The following MAP3K5 variants were observed in gnomAD, a reference collection of about 807,000 sequenced individuals.
The protein encoded by MAP3K5 is ASK-1.
MAP3K5 carries 56 observed loss-of-function variants against 158.7 expected under a neutral mutation model. That is an observed-to-expected ratio of 0.35 (90% CI 0.28 to 0.44). The LOEUF is 0.44. MAP3K5 is among the 20% of genes least tolerant of loss of function. The probability of loss-of-function intolerance (pLI) is 1.00; values close to 1 mark genes in which losing one functional copy is unlikely to be tolerated. For missense variants in MAP3K5, 1,294 were observed against 1,674.8 expected, an observed-to-expected ratio of 0.77 and a Z score of 3.97; for synonymous variants, 579 against 601.7, an observed-to-expected ratio of 0.96 and a Z score of 0.55.
At chr6:136,662,544 CCTCTCTCTCTTCCTTTCTCTCT>C (rs1562591059) in intron 8 of MAP3K5, among the ~76,000 whole-genome samples, 1 of 151,152 alleles carries the variant, frequency 6.6e-6, no homozygotes, top group South Asian at 2.1e-4. Flanking sequence ...CCTTTCTCTC[CCTCTCTCTCTTCCTTTCTCTCT>C]CTCTCTTCCT....
chr6:136,783,841 A>G (rs553762577), intron 1 of MAP3K5, among the ~76,000 whole-genome samples: 1 of 152,280 alleles, frequency 6.6e-6, no homozygotes, highest in African/African-American at 2.4e-5. Flanking sequence ...AGTACTTGGA[A>G]AGCAGGCACG....
intron 23 of MAP3K5, among the ~76,000 whole-genome samples, chr6:136,585,485 A>C (rs113644682): frequency 0.15 from 18,237 of 124,192 alleles, 1,650 homozygotes; most frequent in East Asian, 0.36. Flanking sequence ...TTATTTATTT[A>C]TTTATTTATT....
In MAP3K5 at chr6:136,682,742, G is replaced by A. The variant is rs532412752; in HGVS notation, c.1253+11398C>T. On this transcript the variant is annotated intron_variant, in intron 7 of 29. Coordinates refer to ENST00000359015, the MANE Select transcript of MAP3K5 (RefSeq NM_005923.4). ...AATTTCCTTTCAGAGTTCTCAAAAT[G>A]ACTTCATATCTTCCCTTAAGAATGA... Among the ~76,000 whole-genome samples, 5 of 152,192 alleles carry A rather than the reference G, an allele frequency of 3.3e-5. No homozygotes were observed. The East Asian group carries it at 9.6e-4, about 29-fold the overall frequency.
At chr6:136,694,612 A>G (rs1424516427) in intron 6 of MAP3K5, among the ~76,000 whole-genome samples, 2 of 152,204 alleles carry the variant, frequency 1.3e-5, no homozygotes, top group Non-Finnish European at 2.9e-5. Flanking sequence ...TGCAGGTTCA[A>G]GTTGGTGAAA....
At chr6:136,679,455 A>G (rs1779842252) in intron 7 of MAP3K5, among the ~76,000 whole-genome samples, 1 of 152,134 alleles carries the variant, frequency 6.6e-6, no homozygotes, top group Admixed American at 6.5e-5. Context: ...ATCTCTAGGG[A>G]TATTTCTGAA....
chr6:136,765,679 AT>A (rs780589836), intron 1 of MAP3K5, among the ~76,000 whole-genome samples: 2,725 of 120,006 alleles, frequency 0.023, 19 homozygotes, highest in African/African-American at 0.041. Context: ...TGCCTGGCTA[AT>A]TTTTTTTTTT....
rs969460821 is a variant in MAP3K5 at position 136,791,959 on chromosome 6, A to G, written c.199T>C (p.Cys67Arg). 1.2e-6 allele frequency: 2 copies of G among 1,610,918 alleles called. No individual in the cohort carries two copies. Among genetic ancestry groups the G allele is most frequent in the Non-Finnish European group, 1.7e-6 (2 of 1,179,020 alleles). ...VESAAAPGIG[C>R]PAATSSSSAT... ...CTGCTCGAGGAGGTGGCCGCCGGACAACCGATGCCAGGGGCAGCGGCGCTC... is the reference window on the plus strand; with the variant it reads ...CTGCTCGAGGAGGTGGCCGCCGGACGACCGATGCCAGGGGCAGCGGCGCTC... Residue 67 changes from cysteine (C) to arginine (R), a missense_variant, in exon 1 of 30, where the codon TGT (cysteine) becomes CGT (arginine). Physicochemically the swap from Cys to Arg is radical, Grantham distance 180. Transcript: ENST00000359015.
At chr6:136,789,791 T>G (rs1231022571) in intron 1 of MAP3K5, among the ~76,000 whole-genome samples, 1 of 150,752 alleles carries the variant, frequency 6.6e-6, no homozygotes, top group African/African-American at 2.4e-5. Context: ...CAGGTTCAAG[T>G]GATTATCCTG....
At chr6:136,720,180 C>T (rs960800593) in intron 2 of MAP3K5, among the ~76,000 whole-genome samples, 1 of 152,112 alleles carries the variant, frequency 6.6e-6, no homozygotes, top group Non-Finnish European at 1.5e-5. Flanking sequence ...TTCTCCACGT[C>T]GGCGCTAATG....
intron 25 of MAP3K5, among the ~76,000 whole-genome samples, chr6:136,571,961 T>C (rs910474989): frequency 1.3e-5 from 2 of 152,224 alleles, no homozygotes; most frequent in Non-Finnish European, 2.9e-5. Flanking sequence ...ATCTCATCTC[T>C]TATTCCAAAA....
intron 7 of MAP3K5, among the ~76,000 whole-genome samples, chr6:136,674,320 TA>T (rs558507852): frequency 6.6e-6 from 1 of 152,002 alleles, no homozygotes; most frequent in African/African-American, 2.4e-5. Flanking sequence ...AAAAATTATT[TA>T]AAATCTATTG....
At position 136,751,386 on chromosome 6, in the gene MAP3K5, A is replaced by G. The variant is rs557066269; in HGVS notation, c.449-30797T>C. On this transcript the variant is annotated intron_variant, in intron 1 of 29. Coordinates refer to ENST00000359015, the MANE Select transcript of MAP3K5 (RefSeq NM_005923.4). Reference sequence around the variant, plus strand: ...CTAGCATTAAGGAAACACTCAAGAAAGCACTGATAGACTGTTAAATATAGT... The same window carrying G: ...CTAGCATTAAGGAAACACTCAAGAAGGCACTGATAGACTGTTAAATATAGT... 2.6e-5 allele frequency among the ~76,000 whole-genome samples: 4 copies of G among 152,384 alleles called. 1 individual carries two copies. The highest frequency in any genetic ancestry group is 9.6e-5 in the African/African-American group (4 of 41,592).
intron 2 of MAP3K5, among the ~76,000 whole-genome samples, chr6:136,711,394 T>G (rs935624276): frequency 6.6e-6 from 1 of 152,016 alleles, no homozygotes; most frequent in African/African-American, 2.4e-5. Flanking sequence ...GCCAGGAGCG[T>G]TGGCTCATGC....
At chr6:136,573,178 C>T (rs182493006) in intron 25 of MAP3K5, among the ~76,000 whole-genome samples, 1 of 152,292 alleles carries the variant, frequency 6.6e-6, no homozygotes, top group East Asian at 1.9e-4. Context: ...TGTGGGCAGG[C>T]ATCATCCAGT....
At chr6:136,757,442 C>T (rs983797867) in intron 1 of MAP3K5, among the ~76,000 whole-genome samples, 1 of 152,056 alleles carries the variant, frequency 6.6e-6, no homozygotes, top group African/African-American at 2.4e-5. Context: ...TCTGTCTAGT[C>T]AGATAGCATC....
chr6:136,705,185 T>C (rs772654310), intron 2 of MAP3K5, 52 bp from the exon 3 acceptor site: 2 of 837,730 alleles, frequency 2.4e-6, no homozygotes, highest in East Asian at 5.8e-5. Context: ...ACTGAATAAT[T>C]CAACAACATT....
chr6:136,775,113 T>A (rs1226831944), intron 1 of MAP3K5, among the ~76,000 whole-genome samples: 1 of 151,380 alleles, frequency 6.6e-6, no homozygotes, highest in African/African-American at 2.4e-5. Flanking sequence ...CTAACAGAAA[T>A]ATGAATTAAA....
At chr6:136,716,800 G>A (rs1781549425) in intron 2 of MAP3K5, among the ~76,000 whole-genome samples, 1 of 152,180 alleles carries the variant, frequency 6.6e-6, no homozygotes, top group Admixed American at 6.5e-5. Flanking sequence ...AGGCACGAGA[G>A]AAATTCTCAT....
At chr6:136,740,674 A>G (rs1032258449) in intron 1 of MAP3K5, among the ~76,000 whole-genome samples, 1 of 152,202 alleles carries the variant, frequency 6.6e-6, no homozygotes, top group Non-Finnish European at 1.5e-5. Flanking sequence ...ACCATCCATA[A>G]TCCCACCATT....
Sources: allele counts gnomAD v4.1 joint callset (sites outside exome capture counted in the v4.1 genomes callset), GRCh38; gene constraint gnomAD v4.1.1; transcripts MANE v1.5; gene names NCBI Gene and HGNC (gene_info 2026-07-23, HGNC 2026-07-21).